The following SAMD4A variants were observed in gnomAD, a reference collection of about 807,000 sequenced individuals.
SAMD4A encodes the protein sterile alpha motif domain containing 4A, also known as protein Smaug homolog 1.
SAMD4A carries 33 observed loss-of-function variants against 81.3 expected under a neutral mutation model. The observed-to-expected ratio is 0.41, with a 90% confidence interval of 0.31 to 0.54. SAMD4A has a LOEUF of 0.54. Among genes scored for constraint, SAMD4A ranks in the 20% least tolerant of loss-of-function variants. The pLI, the probability that SAMD4A is intolerant of heterozygous loss-of-function variation, is 0.37. For missense variants in SAMD4A, 854 were observed against 951.1 expected (o/e 0.90, Z 1.34); for synonymous variants, 389 against 382.1 (o/e 1.02, Z -0.21).
intron 2 of SAMD4A, among the ~76,000 whole-genome samples, chr14:54,631,834 T>C (rs1315226202): frequency 1.3e-5 from 2 of 152,064 alleles, no homozygotes; most frequent in African/African-American, 2.4e-5. Flanking sequence ...ACATAGCTTC[T>C]TTATACTAAG....
At chr14:54,647,801 T>C (rs933393908) in intron 2 of SAMD4A, among the ~76,000 whole-genome samples, 2 of 152,228 alleles carry the variant, frequency 1.3e-5, no homozygotes, top group Admixed American at 6.5e-5. Context: ...TTTACTCTCA[T>C]AGATTTTGTT....
intron 4 of SAMD4A, among the ~76,000 whole-genome samples, chr14:54,744,916 C>T (rs967909120): frequency 1.3e-5 from 2 of 152,052 alleles, no homozygotes; most frequent in Non-Finnish European, 2.9e-5. Flanking sequence ...TGGAGTTTAC[C>T]CTCTCTCTCT....
rs1210917916 is a variant in SAMD4A, at chr14:54,792,667, G to A, written c.*3723G>A. ...CTGTTACAAGAAGAACCTGCAGAAG[G>A]ATAATTTGCACATGGAGCTGTGATA... On this transcript the variant is annotated 3_prime_UTR_variant, in exon 13 of 13. Transcript: ENST00000554335. The A allele has an allele frequency of 1.3e-5, 2 of 152,074 alleles. No homozygotes were observed. The highest frequency in any genetic ancestry group is 1.9e-4 in the East Asian group (1 of 5,196). The allele number at this position is 152,074 out of a possible 1,614,324, so 9.4% of individuals were successfully genotyped here.
chr14:54,741,410 A>G (rs2037840406), intron 4 of SAMD4A, among the ~76,000 whole-genome samples: 1 of 152,254 alleles, frequency 6.6e-6, no homozygotes, highest in Admixed American at 6.5e-5. Context: ...CACAGCTATG[A>G]TGAATGATGT....
At position 54,778,428 on chromosome 14, in the gene SAMD4A, T is replaced by G. The variant is rs897251346; in HGVS notation, c.2044+1888T>G. 2.0e-5 allele frequency among the ~76,000 whole-genome samples: 3 copies of G among 152,368 alleles called. No homozygotes were observed. In the East Asian group the frequency reaches 5.8e-4, roughly 29 times the overall value. ...AACCTAATATCATTTTCACTCTTCA[T>G]GCAAACCCTCTTGTTCCTGTGGTTA... On this transcript the variant is annotated intron_variant, in intron 11 of 12. Transcript: ENST00000554335.
chr14:54,751,861 G>A (rs945275534), intron 6 of SAMD4A, among the ~76,000 whole-genome samples: 7 of 152,308 alleles, frequency 4.6e-5, no homozygotes, highest in African/African-American at 1.7e-4. Context: ...GATCAGTGAG[G>A]TGTCCAGTTC....
At chr14:54,741,800 G>A (rs1358256017) in intron 4 of SAMD4A, among the ~76,000 whole-genome samples, 1 of 152,152 alleles carries the variant, frequency 6.6e-6, no homozygotes, top group Non-Finnish European at 1.5e-5. Flanking sequence ...TGAAGGAAGG[G>A]CATTCTATGT....
At chr14:54,715,259 G>A (rs1447516153) in intron 3 of SAMD4A, among the ~76,000 whole-genome samples, 1 of 152,014 alleles carries the variant, frequency 6.6e-6, no homozygotes, top group Non-Finnish European at 1.5e-5. Flanking sequence ...TAAACTCACG[G>A]GGATTCTCAC....
chr14:54,714,752 A>G (rs551252009), intron 3 of SAMD4A, among the ~76,000 whole-genome samples: 187 of 152,264 alleles, frequency 1.2e-3, no homozygotes, highest in Non-Finnish European at 1.8e-3. Flanking sequence ...ACTGCTGGTA[A>G]TAGTAAGGGT....
At chr14:54,646,889 C>T (rs2035298793) in intron 2 of SAMD4A, among the ~76,000 whole-genome samples, 1 of 152,166 alleles carries the variant, frequency 6.6e-6, no homozygotes, top group Admixed American at 6.5e-5. Flanking sequence ...TTGCATTTAA[C>T]TAATGGAAAC....
chr14:54,789,198 G>T lies in SAMD4A; in HGVS notation c.*254G>T. 5.2e-4 allele frequency: 175 copies of T among 339,408 alleles called. No individual in the cohort carries two copies. Among genetic ancestry groups the T allele is most frequent in the East Asian group, 8.1e-4 (12 of 14,764 alleles). 21.0% of individuals were successfully genotyped at this position (339,408 alleles called of 1,614,324 possible). The stretch of plus-strand genomic sequence containing the variant: ...TGTGGGGTGGGGAGGGGTCTCTAGG[G>T]AATTATGAGACTGGGAGGGGGGTGG... On this transcript the variant is annotated 3_prime_UTR_variant, in exon 13 of 13. Coordinates refer to ENST00000554335, the MANE Select transcript of SAMD4A (RefSeq NM_015589.6).
chr14:54,677,730 G>A (rs961025996), intron 2 of SAMD4A, among the ~76,000 whole-genome samples: 1 of 152,128 alleles, frequency 6.6e-6, no homozygotes, highest in African/African-American at 2.4e-5. Flanking sequence ...ACACATTCTC[G>A]AATACCACAA....
rs985586735 is a variant in SAMD4A at position 54,783,159 on chromosome 14, A to T, written c.2045-1378A>T. The stretch of plus-strand genomic sequence containing the variant: ...TTCAAACCAGTGTCACAAAACTTTA[A>T]AAAAAAAAAAAAAAACAAAAAGGAT... On this transcript the variant is annotated intron_variant, in intron 11 of 12. Transcript: ENST00000554335. Among the ~76,000 whole-genome samples the T allele has an allele frequency of 3.3e-4, 39 of 119,108 alleles. No individual in the cohort carries two copies. In the East Asian group the frequency reaches 5.9e-3, roughly 18 times the overall value. The allele number at this position is 119,108 out of a possible 152,430, so 78.1% of individuals were successfully genotyped here.
At position 54,568,126 on chromosome 14, in the gene SAMD4A, GGCCGCC is replaced by G; in HGVS notation, c.196+22_196+27del. On this transcript the variant is annotated intron_variant, in intron 2 of 12. Transcript: ENST00000554335. ...CCAACAGCCCCGGTAAGTGTGCGGC[GGCCGCC>G]GCCGCCGTCCCGCCTGCCCAACCCC... 1 of 1,463,188 alleles carries G rather than the reference GGCCGCC, an allele frequency of 6.8e-7. No homozygotes were observed. Among genetic ancestry groups the G allele is most frequent in the Non-Finnish European group, 9.0e-7 (1 of 1,113,838 alleles). 90.6% of individuals were successfully genotyped at this position (1,463,188 alleles called of 1,614,324 possible).
intron 4 of SAMD4A, among the ~76,000 whole-genome samples, chr14:54,739,822 C>T (rs949106106): frequency 1.4e-4 from 22 of 152,268 alleles, no homozygotes; most frequent in Admixed American, 7.2e-4. Context: ...ATTTGATCTC[C>T]GTGTCTAAGA....
chr14:54,713,698 T>C (rs2037048924), intron 3 of SAMD4A, among the ~76,000 whole-genome samples: 3 of 152,202 alleles, frequency 2.0e-5, no homozygotes, highest in African/African-American at 7.2e-5. Context: ...AGCTAAAAGA[T>C]TTATAATGGA....
intron 3 of SAMD4A, among the ~76,000 whole-genome samples, chr14:54,727,831 C>G (rs2037465302): frequency 6.6e-6 from 1 of 152,142 alleles, no homozygotes; most frequent in African/African-American, 2.4e-5. Context: ...CACACACACA[C>G]AGACACACAC....
At chr14:54,642,751 G>A (rs1435715882) in intron 2 of SAMD4A, among the ~76,000 whole-genome samples, 5 of 152,202 alleles carry the variant, frequency 3.3e-5, no homozygotes, top group Admixed American at 6.5e-5. Context: ...AGAGTCGGAC[G>A]AAGAGAAAAG....
At chr14:54,600,993 A>T (rs933210586) in intron 2 of SAMD4A, among the ~76,000 whole-genome samples, 1 of 152,174 alleles carries the variant, frequency 6.6e-6, no homozygotes, top group African/African-American at 2.4e-5. Context: ...CAACAATTAG[A>T]GGGAGAAATG....
Sources: allele counts gnomAD v4.1 joint callset (sites outside exome capture counted in the v4.1 genomes callset), GRCh38; gene constraint gnomAD v4.1.1; transcripts MANE v1.5; gene names NCBI Gene and HGNC (gene_info 2026-07-23, HGNC 2026-07-21).